NAA15: variants seen among roughly 807,000 people sequenced by gnomAD.
NAA15 encodes N-terminal acetyltransferase.
NAA15 carries 34 observed loss-of-function variants against 114.0 expected under a neutral mutation model. The observed-to-expected ratio is 0.30, with a 90% confidence interval of 0.23 to 0.40. The LOEUF (loss-of-function observed/expected upper bound fraction) is 0.40, where lower values mean the gene tolerates loss of function less well. Among genes scored for constraint, NAA15 ranks in the 10% least tolerant of loss-of-function variants. The probability of loss-of-function intolerance (pLI) is 1.00; values close to 1 mark genes in which losing one functional copy is unlikely to be tolerated. For missense variants in NAA15, 658 were observed against 1,004.5 expected (o/e 0.66, Z 4.66); for synonymous variants, 340 against 338.0 (o/e 1.01, Z -0.06).
chr4:139,359,954 G>GTA (rs1260031470), intron 12 of NAA15, 59 bp downstream of exon 12: 2 of 1,429,660 alleles, frequency 1.4e-6, no homozygotes, highest in Non-Finnish European at 1.9e-6. Context: ...GTTCATACTT[G>GTA]TATAACATGC....
intron 14 of NAA15, among the ~76,000 whole-genome samples, chr4:139,362,462 G>A (rs557602337): frequency 7.2e-5 from 11 of 152,028 alleles, no homozygotes; most frequent in East Asian, 3.9e-4. Context: ...TAGTGGAGAC[G>A]GGGTTTCACC....
At chr4:139,339,506 G>A (rs12651288) in intron 3 of NAA15, among the ~76,000 whole-genome samples, 40,312 of 151,340 alleles carry the variant, frequency 0.27, 5,680 homozygotes, top group African/African-American at 0.35. Flanking sequence ...TTTAAAAAAC[G>A]CAATAATTAG....
chr4:139,306,598 TTTTTTTTTTG>T (rs1342457753), intron 1 of NAA15, among the ~76,000 whole-genome samples: 18 of 147,454 alleles, frequency 1.2e-4, no homozygotes, highest in South Asian at 1.1e-3. Context: ...TTTGGTCTGG[TTTTTTTTTTG>T]TTTTGTTTTG....
Position 139,357,369 on chromosome 4 carries a change from C to T in NAA15, c.1088-17C>T. On this transcript the variant is annotated splice_polypyrimidine_tract_variant and intron_variant, in intron 10 of 19. Coordinates refer to ENST00000296543, the MANE Select transcript of NAA15 (RefSeq NM_057175.5). ...ATGTAATGCCTCATCTTGGTTTCTT[C>T]TCCCTCTTCTCCTAAGATGATGGAA... The T allele has an allele frequency of 1.9e-6, 3 of 1,612,616 alleles. No individual in the cohort carries two copies. The highest frequency in any genetic ancestry group is 2.5e-6 in the Non-Finnish European group (3 of 1,179,244).
rs1256715790 is a variant in NAA15 at position 139,380,122 on chromosome 4, T to C, written c.2155+1268T>C. 3.3e-5 allele frequency among the ~76,000 whole-genome samples: 5 copies of C among 152,214 alleles called. No individual in the cohort carries two copies. In the East Asian group the frequency reaches 9.6e-4, roughly 29 times the overall value. On this transcript the variant is annotated intron_variant, in intron 17 of 19. Coordinates refer to ENST00000296543, the MANE Select transcript of NAA15 (RefSeq NM_057175.5). ...TATACTACGCTTGTCCAAAAACTAA[T>C]TTGTGTTACAAAAACTGAATTGTAG...
chr4:139,381,637 C>T (rs950170991), intron 17 of NAA15, among the ~76,000 whole-genome samples: 7 of 151,880 alleles, frequency 4.6e-5, no homozygotes, highest in Non-Finnish European at 5.9e-5. Context: ...ATCACTTACT[C>T]GGTTGTACTA....
intron 3 of NAA15, among the ~76,000 whole-genome samples, chr4:139,338,520 T>C (rs568174797): frequency 6.6e-6 from 1 of 152,304 alleles, no homozygotes; most frequent in East Asian, 1.9e-4. Flanking sequence ...CGATCTCAGC[T>C]CACTGCAACC....
intron 6 of NAA15, among the ~76,000 whole-genome samples, chr4:139,349,210 G>T (rs538777406): frequency 1.3e-5 from 2 of 152,212 alleles, no homozygotes; most frequent in African/African-American, 2.4e-5. Context: ...ATCTGGCCGG[G>T]CATTGGACAG....
At chr4:139,362,559 T>TG (rs1419369067) in intron 14 of NAA15, among the ~76,000 whole-genome samples, 2 of 152,180 alleles carry the variant, frequency 1.3e-5, no homozygotes, top group African/African-American at 4.8e-5. Flanking sequence ...CCTCCTAAAG[T>TG]GCTGGGATTA....
intron 1 of NAA15, among the ~76,000 whole-genome samples, chr4:139,332,421 G>A (rs531119424): frequency 6.6e-6 from 1 of 151,862 alleles, no homozygotes; most frequent in African/African-American, 2.4e-5. Context: ...GAGCCACCAC[G>A]CCTGGCCCTC....
intron 17 of NAA15, among the ~76,000 whole-genome samples, chr4:139,381,453 C>T (rs1278594914): frequency 6.6e-6 from 1 of 152,032 alleles, no homozygotes; most frequent in Non-Finnish European, 1.5e-5. Flanking sequence ...TGCACAAACT[C>T]ATTTTTCTTT....
intron 11 of NAA15, 144 bp downstream of exon 11, chr4:139,357,699 G>T: frequency 3.3e-6 from 2 of 611,866 alleles, no homozygotes; most frequent in Non-Finnish European, 5.5e-6. Context: ...ACATTTCTCA[G>T]TCCAATTACT....
At position 139,301,931 on chromosome 4, in the gene NAA15, C is replaced by T. The variant is rs569289359; in HGVS notation, c.54+100C>T. The T allele has an allele frequency of 1.2e-5, 15 of 1,289,770 alleles. 1 individual carries two copies. The highest frequency in any genetic ancestry group is 8.9e-5 in the African/African-American group (6 of 67,260). The allele number at this position is 1,289,770 out of a possible 1,614,324, so 79.9% of individuals were successfully genotyped here. On this transcript the variant is annotated intron_variant, in intron 1 of 19. Transcript: ENST00000296543. ...CGGCGGGCACTGAGCCACTCCCGCCCGGGACCCCGCCTTCATAGCTCTCGT... is the reference window on the plus strand; with the variant it reads ...CGGCGGGCACTGAGCCACTCCCGCCTGGGACCCCGCCTTCATAGCTCTCGT...
chr4:139,385,299 T>TATATATAA (rs1560984151), intron 18 of NAA15, among the ~76,000 whole-genome samples: 5 of 94,896 alleles, frequency 5.3e-5, no homozygotes, highest in East Asian at 2.4e-4. Flanking sequence ...TATATATATA[T>TATATATAA]AATATATATT....
At chr4:139,338,650 G>T (rs1217712207) in intron 3 of NAA15, among the ~76,000 whole-genome samples, 2 of 152,188 alleles carry the variant, frequency 1.3e-5, no homozygotes, top group Non-Finnish European at 2.9e-5. Flanking sequence ...GTTTCATCAT[G>T]TTGGCCAGGC....
At position 139,386,121 on chromosome 4, in the gene NAA15, C is replaced by T; in HGVS notation, c.2303-12C>T. On this transcript the variant is annotated splice_polypyrimidine_tract_variant and intron_variant, in intron 18 of 19. Transcript: ENST00000296543. Reference sequence around the variant, plus strand: ...TACCTTGAAATAAATTTCCTATTTCCCTCTCATTTAGCTGCCAAAATGGTA... The same window carrying T: ...TACCTTGAAATAAATTTCCTATTTCTCTCTCATTTAGCTGCCAAAATGGTA... 1.4e-6 allele frequency: 2 copies of T among 1,469,514 alleles called. No homozygotes were observed. The highest frequency in any genetic ancestry group is 1.9e-6 in the Non-Finnish European group (2 of 1,072,740). The allele number at this position is 1,469,514 out of a possible 1,614,324, so 91.0% of individuals were successfully genotyped here. A position where few individuals can be genotyped will look rare whatever the true frequency, so the allele number is the denominator to read the frequency against.
rs750696441 is a variant in NAA15, at chr4:139,388,096, C to G, written c.*12C>G. On this transcript the variant is annotated 3_prime_UTR_variant, in exon 20 of 20. Transcript: ENST00000296543. ...CCAATGAAATTTGAACATCACTAAA[C>G]AAGCAAATGGAATGACTTTGGACCA... The G allele has an allele frequency of 1.9e-6, 3 of 1,611,124 alleles. No homozygotes were observed. In the African/African-American group the frequency reaches 4.0e-5, roughly 22 times the overall value.
intron 14 of NAA15, 102 bp downstream of exon 14, chr4:139,362,039 G>A (rs1449727584): frequency 3.0e-5 from 21 of 695,984 alleles, no homozygotes; most frequent in Middle Eastern, 2.6e-4. Context: ...TGAGCACCAC[G>A]AGGAAAGATA....
chr4:139,349,322 A>G, intron 6 of NAA15, 140 bp from the exon 7 acceptor site: 2 of 658,540 alleles, frequency 3.0e-6, no homozygotes, highest in Non-Finnish European at 4.9e-6. Context: ...AATGATCTTA[A>G]GGGAACTGGA....
Sources: gnomAD v4.1 joint callset for allele counts (sites outside exome capture counted in the v4.1 genomes callset) on GRCh38, gnomAD v4.1.1 for gene constraint, MANE v1.5 for transcripts, NCBI Gene and HGNC (gene_info 2026-07-23, HGNC 2026-07-21) for gene names.